Variants in PTK7 observed in about 807,000 individuals in gnomAD.
The protein encoded by PTK7 is protein tyrosine kinase 7 (inactive).
Under a neutral mutation model 116.6 loss-of-function variants are expected in PTK7, and 39 were observed. The observed-to-expected ratio is 0.33, with a 90% CI of 0.26 to 0.44. The LOEUF (loss-of-function observed/expected upper bound fraction) is 0.44, where lower values mean the gene tolerates loss of function less well. Ranked by LOEUF, PTK7 falls within the 20% of genes least tolerant of loss-of-function variation. PTK7 has a pLI of 1.00. For missense variants in PTK7, 1,169 were observed against 1,425.6 expected (o/e 0.82, Z 2.90); for synonymous variants, 546 against 563.6 (o/e 0.97, Z 0.44).
At chr6:43,093,100 C>T (rs1157779493) in intron 1 of PTK7, among the ~76,000 whole-genome samples, 3 of 149,156 alleles carry the variant, frequency 2.0e-5, no homozygotes, top group Non-Finnish European at 4.4e-5. Context: ...GAGATGTTTA[C>T]AAGAGGAGGT....
Position 43,117,009 on chromosome 6 carries a change from G to C in PTK7, c.80-11968G>C, listed in dbSNP as rs9472010. ...TGGCTAATTTTTGTATTTTTAATAG[G>C]GACGGGGTTTCACCATGTTGCCCAG... On this transcript the variant is annotated intron_variant, in intron 1 of 19. Transcript: ENST00000230419. 5.9e-5 allele frequency among the ~76,000 whole-genome samples: 9 copies of C among 151,636 alleles called. No homozygotes were observed. The South Asian group carries it at 6.3e-4, about 11-fold the overall frequency.
chr6:43,144,193 A>G (rs1368482152), intron 14 of PTK7: 2 of 513,456 alleles, frequency 3.9e-6, no homozygotes, highest in East Asian at 3.2e-5. Context: ...AGTGATTCAG[A>G]TTAGATGTCT....
chr6:43,101,137 C>T (rs1394839735), intron 1 of PTK7, among the ~76,000 whole-genome samples: 1 of 151,862 alleles, frequency 6.6e-6, no homozygotes, highest in Non-Finnish European at 1.5e-5. Flanking sequence ...GAAGCTTGAA[C>T]CCGGGAGGCG....
At chr6:43,149,369 T>C (rs1402668551) in intron 17 of PTK7, among the ~76,000 whole-genome samples, 1 of 151,798 alleles carries the variant, frequency 6.6e-6, no homozygotes. Flanking sequence ...TCAAACCCTG[T>C]CTCAAAAGAA....
At chr6:43,122,195 A>C (rs2034767399) in intron 1 of PTK7, among the ~76,000 whole-genome samples, 1 of 152,204 alleles carries the variant, frequency 6.6e-6, no homozygotes, top group Admixed American at 6.5e-5. Flanking sequence ...GCTCAAGAGC[A>C]GTCCAGAGTT....
chr6:43,148,913 G>T (rs991869905), intron 17 of PTK7, among the ~76,000 whole-genome samples: 5 of 149,966 alleles, frequency 3.3e-5, no homozygotes, highest in Non-Finnish European at 7.4e-5. Flanking sequence ...ACAAAAATTA[G>T]CCAGGTGTGG....
At chr6:43,116,172 G>C (rs1419820773) in intron 1 of PTK7, among the ~76,000 whole-genome samples, 2 of 152,106 alleles carry the variant, frequency 1.3e-5, no homozygotes, top group Non-Finnish European at 2.9e-5. Context: ...CCAGAAAGAA[G>C]GGTTGGTTTC....
At chr6:43,092,490 G>C (rs1767003241) in intron 1 of PTK7, among the ~76,000 whole-genome samples, 1 of 152,158 alleles carries the variant, frequency 6.6e-6, no homozygotes, top group African/African-American at 2.4e-5. Flanking sequence ...TTGTAGGTAT[G>C]TATATATAGG....
chr6:43,111,211 A>G (rs1768177652), intron 1 of PTK7, among the ~76,000 whole-genome samples: 1 of 152,208 alleles, frequency 6.6e-6, no homozygotes, highest in Non-Finnish European at 1.5e-5. Context: ...ACAGAATGCA[A>G]AGCTGCCAGC....
At chr6:43,147,286 C>A (rs1011056794) in intron 17 of PTK7, among the ~76,000 whole-genome samples, 16 of 152,234 alleles carry the variant, frequency 1.1e-4, no homozygotes, top group African/African-American at 3.6e-4. Context: ...GCTGGGGCCC[C>A]TGTGGTAGAG....
rs758293712 is a variant in PTK7 at position 43,143,510 on chromosome 6, C to T, written c.2141C>T (p.Ala714Val). ...TIGLSVGAAVAYIIAVLGLMF... is the reference protein window; with the variant it reads ...TIGLSVGAAVVYIIAVLGLMF... Reference sequence around the variant, plus strand: ...GGGTTGTCGGTGGGTGCCGCTGTGGCCTACATCATTGCCGTGCTGGGCCTC... The same window carrying T: ...GGGTTGTCGGTGGGTGCCGCTGTGGTCTACATCATTGCCGTGCTGGGCCTC... Residue 714 changes from alanine (A) to valine (V), a missense_variant, in exon 14 of 20, where the codon GCC becomes GTC. By Grantham distance (64) the Ala-to-Val change is moderately conservative (BLOSUM62 0). Transcript: ENST00000230419. This position sits in a 1 kb window ranked among gnomAD's most constrained non-coding sequence, Gnocchi z 4.2. 1 of 1,613,986 alleles carries T rather than the reference C, an allele frequency of 6.2e-7. No individual in the cohort carries two copies. Among genetic ancestry groups the T allele is most frequent in the East Asian group, 2.2e-5 (1 of 44,872 alleles).
chr6:43,127,363 T>C lies in PTK7; in HGVS notation c.80-1614T>C, dbSNP rs890794333. Among the ~76,000 whole-genome samples the C allele has an allele frequency of 3.9e-5, 6 of 152,316 alleles. No individual in the cohort carries two copies. The East Asian group carries it at 5.8e-4, about 15-fold the overall frequency. On this transcript the variant is annotated intron_variant, in intron 1 of 19. Transcript: ENST00000230419. ...CGGGCTAGGAACAAAGTCCAGTGTG[T>C]TGCTCCTGCCGCCGCCGTAACCATG...
intron 1 of PTK7, among the ~76,000 whole-genome samples, chr6:43,089,628 C>T (rs1766837952): frequency 6.6e-6 from 1 of 152,170 alleles, no homozygotes. Flanking sequence ...TTAAACTGAC[C>T]AATTAAAAAA....
At chr6:43,091,945 C>T (rs1766977654) in intron 1 of PTK7, among the ~76,000 whole-genome samples, 1 of 152,176 alleles carries the variant, frequency 6.6e-6, no homozygotes, top group South Asian at 2.1e-4. Context: ...TCACTCCAAC[C>T]TCCACCTCCC....
At chr6:43,084,326 A>G (rs1022640675) in intron 1 of PTK7, among the ~76,000 whole-genome samples, 1 of 152,154 alleles carries the variant, frequency 6.6e-6, no homozygotes, top group African/African-American at 2.4e-5. Flanking sequence ...TATTTTTAAT[A>G]GAGGCGAGGT....
At chr6:43,157,674 T>C (rs1211053378) in intron 17 of PTK7, among the ~76,000 whole-genome samples, 1 of 151,860 alleles carries the variant, frequency 6.6e-6, no homozygotes, top group Non-Finnish European at 1.5e-5. Flanking sequence ...TGAGGTTAGA[T>C]ATTTGAGACC....
chr6:43,158,995 C>G (rs1771677816), intron 18 of PTK7, 27 bp downstream of exon 18: 2 of 1,610,402 alleles, frequency 1.2e-6, no homozygotes, highest in Non-Finnish European at 1.7e-6. Flanking sequence ...GGGGTGGGGG[C>G]TCCCCATTTT....
intron 1 of PTK7, among the ~76,000 whole-genome samples, chr6:43,115,847 G>C (rs1768479687): frequency 6.6e-6 from 1 of 150,516 alleles, no homozygotes; most frequent in Non-Finnish European, 1.5e-5. Flanking sequence ...AGAATTGCTT[G>C]AGCCCAGGAG....
chr6:43,126,190 C>G (rs111326560), intron 1 of PTK7, among the ~76,000 whole-genome samples: 7 of 152,000 alleles, frequency 4.6e-5, no homozygotes, highest in Non-Finnish European at 8.8e-5. Context: ...TGTGGTGGTG[C>G]GTAGCTGTAA....
Sources: gnomAD v4.1 joint callset for allele counts (sites outside exome capture counted in the v4.1 genomes callset) on GRCh38, gnomAD v4.1.1 for gene constraint, Gnocchi (gnomAD v3.1) non-coding constraint, MANE v1.5 for transcripts, NCBI Gene and HGNC (gene_info 2026-07-23, HGNC 2026-07-21) for gene names.